EYS: variants seen among roughly 807,000 people sequenced by gnomAD.
EYS encodes protein eyes shut homolog.
Under a neutral mutation model 282.1 loss-of-function variants are expected in EYS, and 250 were observed. The observed-to-expected ratio is 0.89, with a 90% CI of 0.80 to 0.98. The LOEUF is 0.98. Ranked by LOEUF, EYS falls within the 50% of genes least tolerant of loss-of-function variation. EYS has a pLI of 0.00. For missense variants in EYS, 4,016 were observed against 3,709.0 expected (o/e 1.08, Z -2.15); for synonymous variants, 1,355 against 1,282.9 (o/e 1.06, Z -1.20).
Position 64,887,099 on chromosome 6 carries a change from T to A in EYS, c.2847-257A>T, listed in dbSNP as rs530869049. Among the ~76,000 whole-genome samples the A allele has an allele frequency of 9.2e-5, 14 of 151,738 alleles. No individual in the cohort carries two copies. In the South Asian group the frequency reaches 2.5e-3, roughly 27 times the overall value. On this transcript the variant is annotated intron_variant, in intron 18 of 42. Coordinates refer to ENST00000503581, the MANE Select transcript of EYS (RefSeq NM_001142800.2). ...TACTGTAACCTGATAAATACTAGTA[T>A]CAAAATATAGATGAGGTCATGTCCT...
At chr6:64,951,128 G>T (rs1769492166) in intron 14 of EYS, among the ~76,000 whole-genome samples, 1 of 151,648 alleles carries the variant, frequency 6.6e-6, no homozygotes, top group Admixed American at 6.6e-5. Context: ...TTCTATAGAG[G>T]CACTTGTTCC....
intron 26 of EYS, among the ~76,000 whole-genome samples, chr6:64,547,440 A>G (rs1764914826): frequency 6.6e-6 from 1 of 152,174 alleles, no homozygotes; most frequent in Non-Finnish European, 1.5e-5. Context: ...TTAGGTAGAT[A>G]CAGAGTGTTG....
intron 31 of EYS, among the ~76,000 whole-genome samples, chr6:64,087,936 G>A (rs1289491170): frequency 6.6e-6 from 1 of 152,092 alleles, no homozygotes; most frequent in Non-Finnish European, 1.5e-5. Context: ...TGACTTCCGT[G>A]TTGCTTTGCA....
chr6:65,511,122 T>TAAAAA (rs1265669193), intron 2 of EYS, among the ~76,000 whole-genome samples: 1 of 152,158 alleles, frequency 6.6e-6, no homozygotes, highest in Non-Finnish European at 1.5e-5. Flanking sequence ...TGACAAACAG[T>TAAAAA]AACTAGACTA....
At chr6:64,555,823 T>C (rs185444709) in intron 26 of EYS, among the ~76,000 whole-genome samples, 1 of 152,006 alleles carries the variant, frequency 6.6e-6, no homozygotes, top group Non-Finnish European at 1.5e-5. Context: ...TATTATATCA[T>C]TTCTTCTGAA....
chr6:64,125,175 T>TCTCGCGCGCG (rs1562213596), intron 31 of EYS, among the ~76,000 whole-genome samples: 1 of 150,306 alleles, frequency 6.7e-6, no homozygotes, highest in African/African-American at 2.5e-5. Context: ...TCTCTCTCTC[T>TCTCGCGCGCG]CGCTCTCTCT....
chr6:65,296,298 T>C (rs1208111834), intron 11 of EYS, among the ~76,000 whole-genome samples, 179 bp from the exon 12 acceptor site: 3 of 152,196 alleles, frequency 2.0e-5, no homozygotes, highest in Admixed American at 6.6e-5. Flanking sequence ...TACTTTTGAT[T>C]ACTGTGCAGA....
chr6:65,165,652 C>T (rs1764955277), intron 12 of EYS, among the ~76,000 whole-genome samples: 1 of 150,960 alleles, frequency 6.6e-6, no homozygotes, highest in Non-Finnish European at 1.5e-5. Flanking sequence ...CTACATTATA[C>T]TTAATGGTGA....
intron 14 of EYS, among the ~76,000 whole-genome samples, chr6:64,985,093 C>T (rs1188597564): frequency 6.6e-6 from 1 of 151,348 alleles, no homozygotes; most frequent in African/African-American, 2.4e-5. Context: ...GTAGGACAAG[C>T]CTTATATGAA....
chr6:65,107,682 T>G (rs532949857), intron 12 of EYS, among the ~76,000 whole-genome samples: 1 of 151,634 alleles, frequency 6.6e-6, no homozygotes, highest in South Asian at 2.1e-4. Flanking sequence ...GGGTGTTTTT[T>G]TTTGTTTGTT....
intron 14 of EYS, among the ~76,000 whole-genome samples, chr6:64,969,753 T>G (rs936441512): frequency 2.0e-5 from 3 of 152,142 alleles, no homozygotes; most frequent in Non-Finnish European, 2.9e-5. Flanking sequence ...CCAAGCAAAG[T>G]CTTCCTTCAC....
chr6:65,629,726 T>C (rs1190705892), intron 2 of EYS, among the ~76,000 whole-genome samples: 2 of 152,130 alleles, frequency 1.3e-5, no homozygotes, highest in Admixed American at 6.5e-5. Flanking sequence ...TTGGCGGCCC[T>C]ACAATTAAAC....
intron 1 of EYS, among the ~76,000 whole-genome samples, chr6:65,682,897 T>C (rs1467313649): frequency 6.6e-6 from 1 of 151,970 alleles, no homozygotes; most frequent in Non-Finnish European, 1.5e-5. Context: ...TAGAATTACC[T>C]GGAAATATAA....
At position 64,592,163 on chromosome 6, in the gene EYS, T is replaced by G. The variant is rs567602170; in HGVS notation, c.3878-174A>C. 3.3e-5 allele frequency among the ~76,000 whole-genome samples: 5 copies of G among 152,264 alleles called. No individual in the cohort carries two copies. The South Asian group carries it at 1.0e-3, about 32-fold the overall frequency. On this transcript the variant is annotated intron_variant, in intron 25 of 42. Coordinates refer to ENST00000503581, the MANE Select transcript of EYS (RefSeq NM_001142800.2). ...AAAGTACATGAGGAGTTTAATGATT[T>G]CACAAACTGCATAAATGCAAAGATT...
At chr6:65,421,572 A>G (rs1404567267) in intron 5 of EYS, among the ~76,000 whole-genome samples, 4 of 151,890 alleles carry the variant, frequency 2.6e-5, no homozygotes, top group Non-Finnish European at 5.9e-5. Flanking sequence ...CTTTGCATTC[A>G]CAACTTGGCT....
At chr6:65,388,404 A>G (rs2150354473) in intron 7 of EYS, among the ~76,000 whole-genome samples, 1 of 152,080 alleles carries the variant, frequency 6.6e-6, no homozygotes, top group South Asian at 2.1e-4. Context: ...TAAAACCGAT[A>G]AAAGTGGAGG....
At chr6:63,817,418 G>T (rs1771205882) in intron 36 of EYS, among the ~76,000 whole-genome samples, 1 of 152,138 alleles carries the variant, frequency 6.6e-6, no homozygotes, top group South Asian at 2.1e-4. Flanking sequence ...CCGGTAATGG[G>T]GGCTGCTCAT....
chr6:64,084,642 G>A (rs1408320842), intron 31 of EYS, among the ~76,000 whole-genome samples: 2 of 152,128 alleles, frequency 1.3e-5, no homozygotes, highest in East Asian at 3.9e-4. Flanking sequence ...ATTACATTTT[G>A]GGGGAGCAGT....
At chr6:64,009,847 T>G (rs1768524280) in intron 33 of EYS, among the ~76,000 whole-genome samples, 1 of 152,198 alleles carries the variant, frequency 6.6e-6, no homozygotes, top group South Asian at 2.1e-4. Context: ...CTTTCTCATC[T>G]ATATGGGTTG....
Sources: allele counts gnomAD v4.1 joint callset (sites outside exome capture counted in the v4.1 genomes callset), GRCh38; gene constraint gnomAD v4.1.1; transcripts MANE v1.5; gene names NCBI Gene and HGNC (gene_info 2026-07-23, HGNC 2026-07-21).